The following ZNF385D variants were observed in gnomAD, a reference collection of about 807,000 sequenced individuals.
ZNF385D encodes the protein zinc finger protein 659.
A neutral mutation model predicts 35.8 loss-of-function variants in ZNF385D; 15 were observed. The ratio of observed to expected loss-of-function variants is 0.42; its 90% CI spans 0.28 to 0.64. The LOEUF (loss-of-function observed/expected upper bound fraction) is 0.64. Among genes scored for constraint, ZNF385D ranks in the 30% least tolerant of loss-of-function variants. The pLI, the probability that ZNF385D is intolerant of heterozygous loss-of-function variation, is 0.23. For synonymous variants in ZNF385D, 212 were observed against 186.8 expected, an observed-to-expected ratio of 1.13 and a Z score of -1.10; for missense variants, 474 against 494.6, an observed-to-expected ratio of 0.96 and a Z score of 0.39.
chr3:22,160,547 T>C (rs569315665), intron 3 of ZNF385D, among the ~76,000 whole-genome samples: 5 of 152,238 alleles, frequency 3.3e-5, no homozygotes, highest in Admixed American at 6.6e-5. Flanking sequence ...TTAAATATCT[T>C]CTGGGGCAAT....
chr3:21,485,625 C>G (rs1236424532), intron 4 of ZNF385D, among the ~76,000 whole-genome samples: 3 of 152,020 alleles, frequency 2.0e-5, no homozygotes, highest in Non-Finnish European at 4.4e-5. Context: ...GTGAGGATTA[C>G]AGAGAAGTGG....
At chr3:22,090,586 T>C (rs753867439) in intron 3 of ZNF385D, among the ~76,000 whole-genome samples, 3 of 152,128 alleles carry the variant, frequency 2.0e-5, no homozygotes, top group Non-Finnish European at 4.4e-5. Context: ...GAATATTTAG[T>C]GTAGTCACAG....
chr3:22,099,623 C>T (rs1358540833), intron 3 of ZNF385D, among the ~76,000 whole-genome samples: 1 of 151,918 alleles, frequency 6.6e-6, no homozygotes, highest in Non-Finnish European at 1.5e-5. Context: ...TGGAAATAAT[C>T]CCTTGTGTGC....
intron 2 of ZNF385D, among the ~76,000 whole-genome samples, chr3:22,177,526 C>G (rs534550392): frequency 5.3e-5 from 8 of 152,222 alleles, no homozygotes; most frequent in Non-Finnish European, 8.8e-5. Context: ...CACACAATAC[C>G]CTAGTTCTCT....
At chr3:22,125,727 G>T (rs1408720703) in intron 3 of ZNF385D, among the ~76,000 whole-genome samples, 1 of 152,030 alleles carries the variant, frequency 6.6e-6, no homozygotes, top group Non-Finnish European at 1.5e-5. Flanking sequence ...ATTGTTCACT[G>T]TTGGCATATA....
chr3:21,705,340 T>C (rs1000457883), intron 1 of ZNF385D, among the ~76,000 whole-genome samples: 2 of 152,222 alleles, frequency 1.3e-5, no homozygotes, highest in Non-Finnish European at 2.9e-5. Flanking sequence ...AGAAATATTT[T>C]CTTGGTACAG....
chr3:21,469,500 G>A (rs1391721912), intron 4 of ZNF385D, among the ~76,000 whole-genome samples: 1 of 152,092 alleles, frequency 6.6e-6, no homozygotes, highest in African/African-American at 2.4e-5. Context: ...GAGAAGTTTA[G>A]GGAGTGCGAA....
upstream of ZNF385D, chr3:21,751,237 C>CCCG: frequency 8.9e-7 from 1 of 1,127,288 alleles, no homozygotes; most frequent in Non-Finnish European, 1.1e-6. Context: ...GACCCCTCCA[C>CCCG]CCCACCCCAC....
chr3:21,919,459 G>A (rs985943544), intron 3 of ZNF385D, among the ~76,000 whole-genome samples: 3 of 152,140 alleles, frequency 2.0e-5, no homozygotes, highest in Admixed American at 6.5e-5. Flanking sequence ...CTTAAGACCC[G>A]TGTATTTCAC....
At chr3:21,722,719 G>C (rs1386770867) in intron 1 of ZNF385D, among the ~76,000 whole-genome samples, 1 of 152,168 alleles carries the variant, frequency 6.6e-6, no homozygotes, top group Non-Finnish European at 1.5e-5. Flanking sequence ...ACACAAAGGA[G>C]ATCAGATCCT....
intron 3 of ZNF385D, among the ~76,000 whole-genome samples, chr3:21,976,068 G>A (rs1703602233): frequency 6.6e-6 from 1 of 152,134 alleles, no homozygotes; most frequent in African/African-American, 2.4e-5. Context: ...CTTGAGGGAT[G>A]CACCATGTAT....
At position 22,033,124 on chromosome 3, in the gene ZNF385D, G is replaced by A. The variant is rs6771769; in HGVS notation, c.325+135693C>T. 5.2e-3 allele frequency among the ~76,000 whole-genome samples: 787 copies of A among 152,090 alleles called. 4 individuals are homozygous for A. Among genetic ancestry groups the A allele is most frequent in the African/African-American group, 0.018 (748 of 41,412 alleles). ...AGAGTATAGAATGAACAGTGAGGCC[G>A]GGCACAGTGGCGCACTCTTGTAACC... On this transcript the variant is annotated intron_variant, in intron 3 of 5. Transcript: ENST00000494108.
chr3:21,455,326 C>G (rs1702729440), intron 4 of ZNF385D, among the ~76,000 whole-genome samples: 1 of 152,190 alleles, frequency 6.6e-6, no homozygotes. Context: ...TGCTACCTGA[C>G]TTCAAACTAT....
At chr3:21,762,220 G>A (rs1035233764) in intron 3 of ZNF385D, among the ~76,000 whole-genome samples, 3 of 151,900 alleles carry the variant, frequency 2.0e-5, no homozygotes, top group Admixed American at 1.3e-4. Context: ...GATAATATTC[G>A]AAGTTCTCTC....
At chr3:22,315,407 G>A (rs1394318309) in intron 2 of ZNF385D, among the ~76,000 whole-genome samples, 1 of 152,138 alleles carries the variant, frequency 6.6e-6, no homozygotes, top group Non-Finnish European at 1.5e-5. Flanking sequence ...ACCTACGGAT[G>A]GTATTTTCAA....
chr3:21,996,333 C>G (rs1013782267), intron 3 of ZNF385D, among the ~76,000 whole-genome samples: 3 of 152,148 alleles, frequency 2.0e-5, no homozygotes, highest in Admixed American at 6.5e-5. Flanking sequence ...AGTGGAGTTT[C>G]TCCTGGCTCC....
At chr3:21,958,009 G>C (rs1467025377) in intron 3 of ZNF385D, among the ~76,000 whole-genome samples, 2 of 152,118 alleles carry the variant, frequency 1.3e-5, no homozygotes, top group Non-Finnish European at 2.9e-5. Flanking sequence ...ATCACCGCCA[G>C]TGTGCCCGAG....
chr3:22,306,091 A>G (rs892410768), intron 2 of ZNF385D, among the ~76,000 whole-genome samples: 1 of 152,118 alleles, frequency 6.6e-6, no homozygotes, highest in Non-Finnish European at 1.5e-5. Flanking sequence ...GAAAACTACA[A>G]AAGTCAGAAT....
chr3:21,822,326 C>T (rs572643839), intron 3 of ZNF385D, among the ~76,000 whole-genome samples: 2 of 152,218 alleles, frequency 1.3e-5, no homozygotes, highest in African/African-American at 4.8e-5. Context: ...CCCGCCTCAG[C>T]CTCCCAAAGT....
Sources: gnomAD v4.1 joint callset for allele counts (sites outside exome capture counted in the v4.1 genomes callset) on GRCh38, gnomAD v4.1.1 for gene constraint, MANE v1.5 for transcripts, NCBI Gene and HGNC (gene_info 2026-07-23, HGNC 2026-07-21) for gene names.